Variants in TUBGCP5 observed in about 807,000 individuals in gnomAD.
TUBGCP5 encodes the protein tubulin gamma complex component 5.
Under a neutral mutation model 134.7 loss-of-function variants are expected in TUBGCP5, and 98 were observed. The observed-to-expected ratio is 0.73, with a 90% confidence interval of 0.62 to 0.86. The LOEUF (loss-of-function observed/expected upper bound fraction) is 0.86. TUBGCP5 is among the 40% of genes least tolerant of loss of function. The probability of loss-of-function intolerance (pLI) is 0.00; values close to 1 mark genes in which losing one functional copy is unlikely to be tolerated. For missense variants in TUBGCP5, 1,150 were observed against 1,244.8 expected, an observed-to-expected ratio of 0.92 and a Z score of 1.15; for synonymous variants, 456 against 431.4, an observed-to-expected ratio of 1.06 and a Z score of -0.71.
At chr15:22,991,586 G>A (rs531163512) in intron 23 of TUBGCP5, among the ~76,000 whole-genome samples, 1 of 150,718 alleles carries the variant, frequency 6.6e-6, no homozygotes, top group East Asian at 2.0e-4. Flanking sequence ...CGTGTTGTGG[G>A]TCTGACAGCT....
chr15:23,038,238 C>G (rs752152120), intron 1 of TUBGCP5, among the ~76,000 whole-genome samples: 1 of 152,096 alleles, frequency 6.6e-6, no homozygotes, highest in Non-Finnish European at 1.5e-5. Context: ...TAAAATTACA[C>G]TACTGAAAAA....
At chr15:22,990,607 G>T (rs1456849786) in intron 23 of TUBGCP5, among the ~76,000 whole-genome samples, 1 of 152,174 alleles carries the variant, frequency 6.6e-6, no homozygotes, top group Non-Finnish European at 1.5e-5. Context: ...CCAACTCTGT[G>T]GTGCCATGAT....
At chr15:23,024,637 G>A in intron 9 of TUBGCP5, 100 bp downstream of exon 9, 1 of 644,516 alleles carries the variant, frequency 1.6e-6, no homozygotes, top group South Asian at 2.8e-5. Context: ...AAGCAAGAAC[G>A]AGTTCAATAG....
Position 23,009,952 on chromosome 15 carries a change from CT to C in TUBGCP5, c.2136del (p.Asp713IlefsTer5), listed in dbSNP as rs1432092958. On this transcript the variant is annotated frameshift_variant, in exon 15 of 23. Coordinates refer to ENST00000615383, the MANE Select transcript of TUBGCP5 (RefSeq NM_052903.6). LOFTEE classifies it high-confidence loss of function. ...CCGNLMQTLK[K>X]DYRLVEYLQA... ...ATTAAATTACTCTTTTACCTGTAAT[CT>C]TTTTTTAGAGTTTGCATGAGATTTC... 5.0e-6 allele frequency: 8 copies of C among 1,611,684 alleles called. No homozygotes were observed. The highest frequency in any genetic ancestry group is 6.8e-6 in the Non-Finnish European group (8 of 1,178,838).
downstream of TUBGCP5, chr15:22,999,140 TCTGTGA>T (rs1359202905): frequency 6.6e-6 from 1 of 152,196 alleles, no homozygotes; most frequent in Non-Finnish European, 1.5e-5. Flanking sequence ...ATAAAAAGCT[TCTGTGA>T]CTGTAGGACA....
downstream of TUBGCP5, among the ~76,000 whole-genome samples, chr15:22,998,450 C>T (rs1176696951): frequency 6.6e-6 from 1 of 152,104 alleles, no homozygotes; most frequent in African/African-American, 2.4e-5. Context: ...AACATATATA[C>T]ATTTCTTTCT....
At position 23,008,821 on chromosome 15, in the gene TUBGCP5, C is replaced by T. The variant is rs1275404429; in HGVS notation, c.2205G>A (p.Met735Ile). ...NFFLMEGGDTMYDFYTSIFDK... is the reference protein window; with the variant it reads ...NFFLMEGGDTIYDFYTSIFDK... ...CAAAAATTGACGTGTAGAAGTCATA[C>T]ATGGTATCTCCTCCTTCCATTAAGA... The change falls in exon 16 of 23, where the codon ATG (methionine) becomes ATA (isoleucine). Residue 735 changes from methionine (M) to isoleucine (I), a missense_variant. This residue lies in a region of TUBGCP5 where 697 missense variants were observed against 850.1 expected (regional missense o/e 0.82). Coordinates refer to ENST00000615383, the MANE Select transcript of TUBGCP5 (RefSeq NM_052903.6). The T allele has an allele frequency of 1.0e-5, 16 of 1,598,784 alleles. No individual in the cohort carries two copies. The highest frequency in any genetic ancestry group is 1.4e-5 in the Non-Finnish European group (16 of 1,176,316).
At chr15:23,006,645 G>A (rs2064730725) in intron 16 of TUBGCP5, among the ~76,000 whole-genome samples, 1 of 152,154 alleles carries the variant, frequency 6.6e-6, no homozygotes, top group Non-Finnish European at 1.5e-5. Flanking sequence ...GTAAACTTCA[G>A]GCAATGGCTG....
chr15:22,998,285 A>G (rs1182293096), downstream of TUBGCP5, among the ~76,000 whole-genome samples: 1 of 152,144 alleles, frequency 6.6e-6, no homozygotes, highest in African/African-American at 2.4e-5. Flanking sequence ...ACTGCACTGC[A>G]GCCTAGGTAA....
rs200032420 is a variant in TUBGCP5 at position 23,018,058 on chromosome 15, G to T, written c.1488-17C>A. On this transcript the variant is annotated splice_polypyrimidine_tract_variant and intron_variant, in intron 12 of 22. Transcript: ENST00000615383. ...TTTTTGTTTCTAAAGAGATTCAAAA[G>T]AATTTTAAACTCTTATTTCTCTTTC... 3.3e-4 allele frequency: 529 copies of T among 1,591,182 alleles called. 2 individuals are homozygous for T. Among genetic ancestry groups the T allele is most frequent in the Middle Eastern group, 2.5e-3 (13 of 5,118 alleles).
intron 12 of TUBGCP5, 137 bp downstream of exon 12, chr15:23,019,082 C>A: frequency 1.8e-6 from 1 of 552,980 alleles, no homozygotes; most frequent in Non-Finnish European, 3.1e-6. Context: ...ATAGAACTTG[C>A]CTATGATGAC....
rs1248737474 is a variant in TUBGCP5 at position 23,039,389 on chromosome 15, G to A, written c.146+9C>T. On this transcript the variant is annotated intron_variant, in intron 1 of 22. Transcript: ENST00000615383. The stretch of plus-strand genomic sequence containing the variant: ...GGCCGGGAACCCGCCCGCGCGCCGT[G>A]CCCCACACCTGAAGTTGGACCAGGC... The A allele has an allele frequency of 1.8e-5, 26 of 1,449,824 alleles. No homozygotes were observed. Among genetic ancestry groups the A allele is most frequent in the Non-Finnish European group, 2.4e-5 (26 of 1,089,406 alleles). The allele number at this position is 1,449,824 out of a possible 1,614,324, so 89.8% of individuals were successfully genotyped here.
chr15:23,020,608 A>G (rs889921874), intron 11 of TUBGCP5, among the ~76,000 whole-genome samples: 1 of 146,256 alleles, frequency 6.8e-6, no homozygotes, highest in Admixed American at 6.8e-5. Flanking sequence ...AAAAAAAAAG[A>G]AAAAAAGAAA....
intron 6 of TUBGCP5, among the ~76,000 whole-genome samples, chr15:23,029,195 A>G (rs1016189647): frequency 3.3e-5 from 5 of 152,170 alleles, no homozygotes; most frequent in African/African-American, 1.2e-4. Context: ...TGCAATCCCA[A>G]TAAAAACTCC....
chr15:23,015,024 C>A (rs1299927183), intron 13 of TUBGCP5, among the ~76,000 whole-genome samples: 1 of 152,132 alleles, frequency 6.6e-6, no homozygotes, highest in African/African-American at 2.4e-5. Flanking sequence ...CCACTGTGTA[C>A]ATGCATGTAC....
chr15:22,989,153 C>G (rs1199165359), intron 23 of TUBGCP5, among the ~76,000 whole-genome samples: 1 of 152,096 alleles, frequency 6.6e-6, no homozygotes. Context: ...GACTAGCAAC[C>G]CTAATTCCAT....
Position 23,039,505 on chromosome 15 carries a change from C to A in TUBGCP5, c.39G>T (p.Ala13=). ...RHGPPWSRLD[A]QQERDVRELV... ...GCTCCCGCACGTCGCGCTCCTGCTG[C>A]GCGTCCAACCGACTCCACGGTGGCC... The change falls in exon 1 of 23, where the codon GCG becomes GCT. Residue 13 remains alanine (A), a synonymous_variant. Coordinates refer to ENST00000615383, the MANE Select transcript of TUBGCP5 (RefSeq NM_052903.6). 1 of 1,505,774 alleles carries A rather than the reference C, an allele frequency of 6.6e-7. No homozygotes were observed. Among genetic ancestry groups the A allele is most frequent in the East Asian group, 2.7e-5 (1 of 36,582 alleles). The allele number at this position is 1,505,774 out of a possible 1,614,324, so 93.3% of individuals were successfully genotyped here. A position where few individuals can be genotyped will look rare whatever the true frequency, so the allele number is the denominator to read the frequency against.
At chr15:23,003,632 GTTTTTTTTTTTTTTTT>G (rs531926227) in intron 20 of TUBGCP5, among the ~76,000 whole-genome samples, 4 of 88,670 alleles carry the variant, frequency 4.5e-5, no homozygotes, top group African/African-American at 1.6e-4. Flanking sequence ...TCCTCCTTCT[GTTTTTTTTTTTTTTTT>G]TTTTTTTTTT....
intron 6 of TUBGCP5, among the ~76,000 whole-genome samples, chr15:23,029,071 C>T (rs148375882): frequency 2.0e-5 from 3 of 152,056 alleles, no homozygotes; most frequent in African/African-American, 4.8e-5. Flanking sequence ...AATGAACACT[C>T]AAGATGTTTA....
Sources: allele counts gnomAD v4.1 joint callset (sites outside exome capture counted in the v4.1 genomes callset), GRCh38; gene constraint gnomAD v4.1.1; regional missense constraint gnomAD v4.1.1; transcripts MANE v1.5; gene names NCBI Gene and HGNC (gene_info 2026-07-23, HGNC 2026-07-21).